The following APAF1 variants were observed in gnomAD, a reference collection of about 807,000 sequenced individuals.
The protein encoded by APAF1 is apoptotic peptidase activating factor 1.
In APAF1, 91 loss-of-function variants were observed where a neutral mutation model predicts 152.4. The observed-to-expected ratio is 0.60, with a 90% confidence interval of 0.50 to 0.71. The LOEUF (loss-of-function observed/expected upper bound fraction) is 0.71, where lower values mean the gene tolerates loss of function less well. Ranked by LOEUF, APAF1 falls within the 30% of genes least tolerant of loss-of-function variation. APAF1 has a pLI of 0.00. For missense variants in APAF1, 1,283 were observed against 1,472.0 expected (o/e 0.87, Z 2.10); for synonymous variants, 484 against 494.1 (o/e 0.98, Z 0.27).
intron 12 of APAF1, among the ~76,000 whole-genome samples, chr12:98,674,227 A>G (rs2097684035): frequency 6.6e-6 from 1 of 152,126 alleles, no homozygotes; most frequent in South Asian, 2.1e-4. Context: ...CCTGGACACA[A>G]TTGATCCTCC....
chr12:98,678,826 C>G (rs1463465025), intron 13 of APAF1, among the ~76,000 whole-genome samples: 1 of 152,232 alleles, frequency 6.6e-6, no homozygotes, highest in African/African-American at 2.4e-5. Context: ...TGCTGACATG[C>G]CAGCCCCCTG....
chr12:98,715,306 C>A, intron 21 of APAF1, 121 bp from the exon 22 acceptor site: 1 of 537,256 alleles, frequency 1.9e-6, no homozygotes, highest in Non-Finnish European at 3.2e-6. Context: ...TTTAATTAGG[C>A]TGGAAGCACC....
Position 98,659,469 on chromosome 12 carries a change from C to A in APAF1, c.710+126C>A, listed in dbSNP as rs1009168671. The A allele has an allele frequency of 3.1e-5, 33 of 1,065,358 alleles. No individual in the cohort carries two copies. The South Asian group carries it at 4.1e-4, about 13-fold the overall frequency. The allele number at this position is 1,065,358 out of a possible 1,614,324, so 66.0% of individuals were successfully genotyped here. ...TAGGGAGGATAAGAGAGAACCATTG[C>A]GGCCAGGTGCAGTGGCTCACGCCTG... is the stretch of plus-strand genomic sequence containing the variant. On this transcript the variant is annotated intron_variant, in intron 5 of 26. Coordinates refer to ENST00000551964, the MANE Select transcript of APAF1 (RefSeq NM_181861.2).
At chr12:98,645,877 T>C (rs1022993063) in intron 1 of APAF1, 42 bp downstream of exon 1, 2 of 152,254 alleles carry the variant, frequency 1.3e-5, no homozygotes, top group Non-Finnish European at 2.9e-5. Context: ...CCAGGTTCTT[T>C]GGAGGCTTGG....
At chr12:98,701,595 C>T (rs2097715459) in intron 17 of APAF1, among the ~76,000 whole-genome samples, 1 of 152,142 alleles carries the variant, frequency 6.6e-6, no homozygotes, top group African/African-American at 2.4e-5. Flanking sequence ...TCCCAATTAC[C>T]AATGATGTTG....
At chr12:98,665,412 G>T in intron 7 of APAF1, 141 bp from the exon 8 acceptor site, 1 of 693,550 alleles carries the variant, frequency 1.4e-6, no homozygotes, top group Non-Finnish European at 2.6e-6. Context: ...ATCTAGAAGT[G>T]AAGTCAAGAG....
chr12:98,695,939 G>C (rs1164473209), intron 16 of APAF1, among the ~76,000 whole-genome samples: 1 of 152,202 alleles, frequency 6.6e-6, no homozygotes, highest in Non-Finnish European at 1.5e-5. Flanking sequence ...TGCAGGCTCA[G>C]AATTTAATTT....
At chr12:98,704,366 AT>A (rs2097719081) in intron 18 of APAF1, among the ~76,000 whole-genome samples, 1 of 152,216 alleles carries the variant, frequency 6.6e-6, no homozygotes, top group Admixed American at 6.5e-5. Flanking sequence ...TTCCAAGAAG[AT>A]GGGTATGGGC....
At chr12:98,687,054 C>T (rs902122442) in intron 16 of APAF1, among the ~76,000 whole-genome samples, 181 bp downstream of exon 16, 5 of 152,164 alleles carry the variant, frequency 3.3e-5, no homozygotes, top group African/African-American at 1.2e-4. Flanking sequence ...GAATGGTGTA[C>T]AACCTAATGC....
intron 7 of APAF1, among the ~76,000 whole-genome samples, chr12:98,665,318 A>T (rs1261514204): frequency 1.6e-5 from 2 of 122,344 alleles, no homozygotes; most frequent in African/African-American, 6.2e-5. Context: ...GCCAGATTTG[A>T]TCTATGTTAT....
At chr12:98,669,421 A>G (rs1467998532) in intron 10 of APAF1, among the ~76,000 whole-genome samples, 1 of 152,192 alleles carries the variant, frequency 6.6e-6, no homozygotes, top group East Asian at 1.9e-4. Flanking sequence ...AGAGATCACA[A>G]CCATTACTAA....
At chr12:98,673,235 A>G (rs2097682459) in intron 12 of APAF1, among the ~76,000 whole-genome samples, 1 of 150,260 alleles carries the variant, frequency 6.7e-6, no homozygotes, top group African/African-American at 2.4e-5. Flanking sequence ...AATCCCAGCA[A>G]TTTGGGAGGC....
In APAF1 at chr12:98,687,449, A is replaced by G. The variant is rs74575585; in HGVS notation, c.2304+576A>G. ...TTTAAGTGTACATTTTGTTTCAAGC[A>G]TATGTTCATAAAATATTTTGAGATC... On this transcript the variant is annotated intron_variant, in intron 16 of 26. Coordinates refer to ENST00000551964, the MANE Select transcript of APAF1 (RefSeq NM_181861.2). Among the ~76,000 whole-genome samples, 868 of 152,092 alleles carry G rather than the reference A, an allele frequency of 5.7e-3. 7 individuals carry two copies. The highest frequency in any genetic ancestry group is 0.02 in the African/African-American group (819 of 41,510).
intron 21 of APAF1, among the ~76,000 whole-genome samples, chr12:98,713,004 A>G (rs1043951311): frequency 1.3e-5 from 2 of 150,646 alleles, no homozygotes; most frequent in African/African-American, 4.9e-5. Flanking sequence ...TTTTGTAGAG[A>G]TGGAGGTTTC....
chr12:98,665,066 G>C (rs1220841279), intron 7 of APAF1, among the ~76,000 whole-genome samples: 1 of 150,404 alleles, frequency 6.6e-6, no homozygotes, highest in African/African-American at 2.4e-5. Flanking sequence ...GTCTCACACT[G>C]TTCCTCAGGC....
At chr12:98,660,398 T>A (rs1477909188) in intron 5 of APAF1, among the ~76,000 whole-genome samples, 1 of 152,184 alleles carries the variant, frequency 6.6e-6, no homozygotes, top group Non-Finnish European at 1.5e-5. Flanking sequence ...TCTGTTTGAT[T>A]GTCTTAGTTT....
intron 10 of APAF1, among the ~76,000 whole-genome samples, chr12:98,669,439 G>T (rs2097677368): frequency 6.6e-6 from 1 of 152,162 alleles, no homozygotes; most frequent in Non-Finnish European, 1.5e-5. Flanking sequence ...TAATGCTCTT[G>T]TGTATAGTTT....
intron 16 of APAF1, 30 bp from the exon 17 acceptor site, chr12:98,699,378 C>G (rs2097712900): frequency 6.2e-7 from 1 of 1,606,740 alleles, no homozygotes; most frequent in East Asian, 2.2e-5. Context: ...GTAAAACAAA[C>G]TTTTTCTTTT....
intron 16 of APAF1, among the ~76,000 whole-genome samples, chr12:98,687,130 C>T (rs557985178): frequency 2.0e-5 from 3 of 152,026 alleles, no homozygotes; most frequent in South Asian, 2.1e-4. Flanking sequence ...TTTGGGAGGC[C>T]GAGGTGGGTG....
Sources: gnomAD v4.1 joint callset for allele counts (sites outside exome capture counted in the v4.1 genomes callset) on GRCh38, gnomAD v4.1.1 for gene constraint, MANE v1.5 for transcripts, NCBI Gene and HGNC (gene_info 2026-07-23, HGNC 2026-07-21) for gene names.